The following ZNF449 variants were observed in gnomAD, a reference collection of about 807,000 sequenced individuals.
ZNF449 encodes the protein zinc finger and SCAN domain-containing protein 19.
In ZNF449, 4 loss-of-function variants were observed where a neutral mutation model predicts 32.6. That is an observed-to-expected ratio of 0.12 (90% CI 0.06 to 0.28). The LOEUF (loss-of-function observed/expected upper bound fraction) is 0.28. Ranked by LOEUF, ZNF449 falls within the 10% of genes least tolerant of loss-of-function variation. The pLI, the probability that ZNF449 is intolerant of heterozygous loss-of-function variation, is 1.00. For synonymous variants in ZNF449, 123 were observed against 132.2 expected, an observed-to-expected ratio of 0.93 and a Z score of 0.48; for missense variants, 275 against 383.2, an observed-to-expected ratio of 0.72 and a Z score of 2.36.
chrX:135,349,085 G>A (rs1556449415), intron 2 of ZNF449, 25 bp from the exon 3 acceptor site: 2 of 1,206,795 alleles, frequency 1.7e-6, no homozygotes, highest in African/African-American at 3.5e-5. Flanking sequence ...AGACTTGAGA[G>A]TGATGGTTCT....
rs782557213 is a variant in ZNF449, at chrX:135,348,926, A to T, written c.355-184A>T. 3 of 921,793 alleles carry T rather than the reference A, an allele frequency of 3.3e-6. No individual in the cohort carries two copies. In the East Asian group the frequency reaches 1.0e-4, roughly 31 times the overall value. 76.0% of individuals were successfully genotyped at this position (921,793 alleles called of 1,213,427 possible). A position where few individuals can be genotyped will look rare whatever the true frequency, so the allele number is the denominator to read the frequency against. On this transcript the variant is annotated intron_variant, in intron 2 of 4. Coordinates refer to ENST00000339249, the MANE Select transcript of ZNF449 (RefSeq NM_152695.6). ...ACTAATAATTGTTCATATTGATTAC[A>T]TGTTGAAATCCTGATTGTTTGCACT...
chrX:135,354,021 T>C (rs1602687480), intron 3 of ZNF449, among the ~76,000 whole-genome samples: 1 of 112,280 alleles, frequency 8.9e-6, no homozygotes, highest in African/African-American at 3.2e-5. Context: ...CCACTCAACA[T>C]TGACCCAGAA....
chrX:135,351,054 G>A (rs782805898), intron 3 of ZNF449, among the ~76,000 whole-genome samples: 5 of 111,725 alleles, frequency 4.5e-5, no homozygotes, highest in Non-Finnish European at 3.8e-5. Flanking sequence ...CCTGGGTCAC[G>A]AAGAACTTGC....
At position 135,363,333 on chromosome X, in the gene ZNF449, T is replaced by G. The variant is rs1297223620; in HGVS notation, c.*2257T>G. Among the ~76,000 whole-genome samples, 1 of 112,023 alleles carries G rather than the reference T, an allele frequency of 8.9e-6. No homozygotes were observed. The highest frequency in any genetic ancestry group is 1.9e-5 in the Non-Finnish European group (1 of 53,204). Reference sequence around the variant, plus strand: ...TACAGTCCATTTTTGGCTAGTAGGGTTAGTTGCAATCATAATATGAGTTGC... The same window carrying G: ...TACAGTCCATTTTTGGCTAGTAGGGGTAGTTGCAATCATAATATGAGTTGC... On this transcript the variant is annotated 3_prime_UTR_variant, in exon 5 of 5. Coordinates refer to ENST00000339249, the MANE Select transcript of ZNF449 (RefSeq NM_152695.6).
chrX:135,347,468 A>G lies in ZNF449; in HGVS notation c.350A>G (p.Gln117Arg). The change falls in exon 2 of 5, where the codon CAG becomes CGG. Residue 117 changes from glutamine (Q) to arginine (R), a missense_variant. By Grantham distance (43) the Gln-to-Arg change is conservative (BLOSUM62 1). Around this residue, in one of 3 missense-constraint regions of ZNF449, gnomAD observed 165 missense variants for 175.0 expected, o/e 0.94. Transcript: ENST00000339249. ...DLQRELEIPE[Q>R]QVDMHDMLLE... ...CAGAGAGAACTTGAGATACCAGAGC[A>G]GCAGGTAAGAAAAGAATGTGGGATC... 1.7e-6 allele frequency: 2 copies of G among 1,211,875 alleles called. No individual in the cohort carries two copies. The highest frequency in any genetic ancestry group is 3.5e-5 in the South Asian group (2 of 56,932).
Position 135,361,038 on chromosome X carries a change from A to G in ZNF449, c.1519A>G (p.Ile507Val). Residue 507 changes from isoleucine (I) to valine (V), a missense_variant, in exon 5 of 5, where the codon ATT becomes GTT. By Grantham distance (29) the Ile-to-Val change is conservative. Coordinates refer to ENST00000339249, the MANE Select transcript of ZNF449 (RefSeq NM_152695.6). ...SKSFRQRAGLIMHQVTHFRGL... is the reference protein window; with the variant it reads ...SKSFRQRAGLVMHQVTHFRGL... ...AAGCTTCAGACAGAGAGCCGGCCTT[A>G]TTATGCACCAGGTCACTCACTTTAG... 1 of 1,197,650 alleles carries G rather than the reference A, an allele frequency of 8.3e-7. No homozygotes were observed. Among genetic ancestry groups the G allele is most frequent in the Non-Finnish European group, 1.1e-6 (1 of 890,190 alleles).
In ZNF449 at chrX:135,348,639, A is replaced by G. The variant is rs1273450531; in HGVS notation, c.355-471A>G. On this transcript the variant is annotated intron_variant, in intron 2 of 4. Coordinates refer to ENST00000339249, the MANE Select transcript of ZNF449 (RefSeq NM_152695.6). ...GCTGTTAGCTTCAGGGCTCCTGAAC[A>G]GGAGTCTTCTGAAGTTTTCTGTCTC... 7 of 681,901 alleles carry G rather than the reference A, an allele frequency of 1.0e-5. No homozygotes were observed. The African/African-American group carries it at 1.2e-4, about 11-fold the overall frequency. The allele number at this position is 681,901 out of a possible 1,213,427, so 56.2% of individuals were successfully genotyped here.
At chrX:135,357,659 T>G (rs191642769) in intron 3 of ZNF449, among the ~76,000 whole-genome samples, 162 of 111,762 alleles carry the variant, frequency 1.4e-3, no homozygotes, top group African/African-American at 5.0e-3. Flanking sequence ...ATTTTAGTAC[T>G]CAGAAATTAA....
At position 135,361,344 on chromosome X, in the gene ZNF449, A is replaced by G; in HGVS notation, c.*268A>G. The G allele has an allele frequency of 3.8e-6, 1 of 260,098 alleles. No homozygotes were observed. The allele number at this position is 260,098 out of a possible 1,213,427, so 21.4% of individuals were successfully genotyped here. A position where few individuals can be genotyped will look rare whatever the true frequency, so the allele number is the denominator to read the frequency against. The stretch of plus-strand genomic sequence containing the variant: ...ATGAAAAATTTTGTGTTCCAAGGCA[A>G]CTGTATCATAGGTGTAAACATAAAG... On this transcript the variant is annotated 3_prime_UTR_variant, in exon 5 of 5. Transcript: ENST00000339249.
At chrX:135,354,392 A>C (rs2084905339) in intron 3 of ZNF449, among the ~76,000 whole-genome samples, 1 of 112,447 alleles carries the variant, frequency 8.9e-6, no homozygotes, top group Non-Finnish European at 1.9e-5. Flanking sequence ...CTGATACCTA[A>C]AGGTGAGACA....
At chrX:135,354,369 T>G (rs1338247264) in intron 3 of ZNF449, among the ~76,000 whole-genome samples, 2 of 111,874 alleles carry the variant, frequency 1.8e-5, no homozygotes, top group African/African-American at 6.5e-5. Context: ...TATATAAGAG[T>G]AGAGGATGGG....
At position 135,360,860 on chromosome X, in the gene ZNF449, G is replaced by A. The variant is rs368312163; in HGVS notation, c.1341G>A (p.Leu447=). Reference sequence around the variant, plus strand: ...ATTGTGGGAAAAGTTTTAGTCGACTGACAGCTCTTACTTTGCACCAGAGAA... The same window carrying A: ...ATTGTGGGAAAAGTTTTAGTCGACTAACAGCTCTTACTTTGCACCAGAGAA... ...CHNCGKSFSR[L]TALTLHQRTH... is the part of the protein sequence containing the mutation. Residue 447 remains leucine, a synonymous_variant, in exon 5 of 5, where the codon CTG becomes CTA. Transcript: ENST00000339249. 3.3e-5 allele frequency: 40 copies of A among 1,209,105 alleles called. No individual in the cohort carries two copies. Among genetic ancestry groups the A allele is most frequent in the Non-Finnish European group, 4.5e-5 (40 of 894,829 alleles).
At chrX:135,354,573 A>G (rs183504611) in intron 3 of ZNF449, among the ~76,000 whole-genome samples, 78 of 112,407 alleles carry the variant, frequency 6.9e-4, no homozygotes, top group African/African-American at 2.5e-3. Flanking sequence ...GTTGGCATCC[A>G]TGAAGAAGCT....
At position 135,347,410 on chromosome X, in the gene ZNF449, A is replaced by G. The variant is rs376754803; in HGVS notation, c.292A>G (p.Arg98Gly). The G allele has an allele frequency of 8.3e-7, 1 of 1,210,626 alleles. No homozygotes were observed. The highest frequency in any genetic ancestry group is 1.7e-5 in the African/African-American group (1 of 57,293). ...GGTGAGGGAGCACTGCCCAGAGAAT[A>G]GAGAAAGAGTTGTGTCACTGATAGA... ...TWVREHCPEN[R>G]ERVVSLIEDL... is the part of the protein sequence containing the mutation. The change falls in exon 2 of 5, where the codon AGA (arginine) becomes GGA (glycine). Residue 98 changes from arginine to glycine, a missense_variant. Coordinates refer to ENST00000339249, the MANE Select transcript of ZNF449 (RefSeq NM_152695.6).
chrX:135,362,081 A>G lies in ZNF449; in HGVS notation c.*1005A>G, dbSNP rs1047901538. The G allele has an allele frequency of 4.5e-5, 5 of 111,813 alleles. No individual in the cohort carries two copies. Among genetic ancestry groups the G allele is most frequent in the Non-Finnish European group, 9.4e-5 (5 of 53,046 alleles). The allele number at this position is 111,813 out of a possible 1,213,427, so 9.2% of individuals were successfully genotyped here. The stretch of plus-strand genomic sequence containing the variant: ...TGTCTCTTGGAACACACTGCCTTAA[A>G]CAGATATTTCTATAGCTGTCAGTAT... On this transcript the variant is annotated 3_prime_UTR_variant, in exon 5 of 5. Transcript: ENST00000339249.
At chrX:135,350,879 G>T (rs1312317470) in intron 3 of ZNF449, among the ~76,000 whole-genome samples, 1 of 111,544 alleles carries the variant, frequency 9.0e-6, no homozygotes, top group African/African-American at 3.3e-5. Flanking sequence ...ATCAAAGTGA[G>T]CCTGTGGAGT....
At chrX:135,346,310 G>A (rs187506433) in intron 1 of ZNF449, among the ~76,000 whole-genome samples, 1 of 111,902 alleles carries the variant, frequency 8.9e-6, no homozygotes, top group East Asian at 2.8e-4. Context: ...GAATGGCATG[G>A]GGTTACTGGG....
At chrX:135,350,594 G>A (rs782780650) in intron 3 of ZNF449, among the ~76,000 whole-genome samples, 2 of 112,034 alleles carry the variant, frequency 1.8e-5, no homozygotes, top group Non-Finnish European at 3.8e-5. Context: ...CTATCTACGA[G>A]CACCTTTGAG....
At chrX:135,352,590 T>A (rs1410763469) in intron 3 of ZNF449, among the ~76,000 whole-genome samples, 2 of 112,318 alleles carry the variant, frequency 1.8e-5, no homozygotes, top group African/African-American at 3.2e-5. Context: ...GAGGTTTCAT[T>A]TGGAATGTGT....
Sources: gnomAD v4.1 joint callset for allele counts (sites outside exome capture counted in the v4.1 genomes callset) on GRCh38, gnomAD v4.1.1 for gene constraint, gnomAD v4.1.1 regional missense constraint, MANE v1.5 for transcripts, NCBI Gene and HGNC (gene_info 2026-07-23, HGNC 2026-07-21) for gene names.